Variants in B3GLCT observed in about 807,000 individuals in gnomAD.
B3GLCT encodes the protein beta-1,3-glucosyltransferase.
Under a neutral mutation model 63.4 loss-of-function variants are expected in B3GLCT, and 65 were observed. That is an observed-to-expected ratio of 1.03 (90% CI 0.84 to 1.26). B3GLCT has a LOEUF of 1.26. Ranked by LOEUF, B3GLCT falls within the 50% of genes most tolerant of loss-of-function variation. The pLI, the probability that B3GLCT is intolerant of heterozygous loss-of-function variation, is 0.00. For synonymous variants in B3GLCT, 233 were observed against 219.2 expected (o/e 1.06, Z -0.55); for missense variants, 577 against 604.8 (o/e 0.95, Z 0.48).
intron 7 of B3GLCT, among the ~76,000 whole-genome samples, chr13:31,268,009 AT>A (rs1195466539): frequency 1.3e-5 from 2 of 151,348 alleles, no homozygotes; most frequent in Non-Finnish European, 2.9e-5. Context: ...TAACTTAAAA[AT>A]TTTTTTTTAA....
chr13:31,313,024 T>G (rs1874802745), intron 12 of B3GLCT: 1 of 152,194 alleles, frequency 6.6e-6, no homozygotes, highest in African/African-American at 2.4e-5. Context: ...ATAAACCTGA[T>G]TGGAAGTCTT....
intron 4 of B3GLCT, among the ~76,000 whole-genome samples, chr13:31,237,202 C>A (rs1042823623): frequency 6.6e-6 from 1 of 151,432 alleles, no homozygotes; most frequent in Non-Finnish European, 1.5e-5. Context: ...ACTTAGGGGG[C>A]AATGATGAGA....
intron 4 of B3GLCT, among the ~76,000 whole-genome samples, chr13:31,240,749 G>C (rs943511359): frequency 1.3e-5 from 2 of 152,022 alleles, no homozygotes; most frequent in Admixed American, 6.5e-5. Context: ...ATGCTTAATA[G>C]TTTACTAAAA....
chr13:31,265,190 A>T lies in B3GLCT; in HGVS notation c.597-4024A>T, dbSNP rs528854235. 2.1e-4 allele frequency among the ~76,000 whole-genome samples: 32 copies of T among 152,292 alleles called. 1 individual carries two copies. Among genetic ancestry groups the T allele is most frequent in the African/African-American group, 7.7e-4 (32 of 41,552 alleles). ...CGCAGGAATTTCATTGATTATTAGA[A>T]TTATTAGAATTTTCAGTTCTAATCC... is the stretch of plus-strand genomic sequence containing the variant. On this transcript the variant is annotated intron_variant, in intron 7 of 14. Coordinates refer to ENST00000343307, the MANE Select transcript of B3GLCT (RefSeq NM_194318.4).
At chr13:31,236,876 C>A (rs1257840953) in intron 4 of B3GLCT, among the ~76,000 whole-genome samples, 1 of 152,164 alleles carries the variant, frequency 6.6e-6, no homozygotes, top group African/African-American at 2.4e-5. Flanking sequence ...CCTGTAATCC[C>A]AGCACCTTGG....
intron 13 of B3GLCT, 123 bp from the exon 14 acceptor site, chr13:31,323,628 T>G: frequency 9.0e-7 from 1 of 1,116,844 alleles, no homozygotes; most frequent in Non-Finnish European, 1.4e-6. Context: ...GCTCAGTAAC[T>G]AGAGAAAGCT....
At chr13:31,250,043 A>T (rs1264329674) in intron 6 of B3GLCT, among the ~76,000 whole-genome samples, 1 of 152,212 alleles carries the variant, frequency 6.6e-6, no homozygotes, top group South Asian at 2.1e-4. Flanking sequence ...ACTTTTATTA[A>T]TCTTTATTAA....
At chr13:31,324,834 A>G (rs1004063403) in intron 14 of B3GLCT, among the ~76,000 whole-genome samples, 1 of 152,090 alleles carries the variant, frequency 6.6e-6, no homozygotes, top group Admixed American at 6.5e-5. Context: ...TCTCCCAAGT[A>G]TCTGGGACTA....
At position 31,329,590 on chromosome 13, in the gene B3GLCT, G is replaced by A. The variant is rs757632080; in HGVS notation, c.1419G>A (p.Val473=). Residue 473 remains valine, a synonymous_variant, in exon 15 of 15, where the codon GTG becomes GTA. Transcript: ENST00000343307. ...ACTGGAACATCGATCCAGTGAAGGT[G>A]TATTTCACATGGTTGGCACCCAGTG... is the stretch of plus-strand genomic sequence containing the variant. ...HKHWNIDPVK[V]YFTWLAPSDE... is the part of the protein sequence containing the mutation. 11 of 1,614,098 alleles carry A rather than the reference G, an allele frequency of 6.8e-6. No homozygotes were observed. In the South Asian group the frequency reaches 1.1e-4, roughly 16 times the overall value.
At chr13:31,292,153 A>C (rs1267238621) in intron 12 of B3GLCT, among the ~76,000 whole-genome samples, 1 of 152,230 alleles carries the variant, frequency 6.6e-6, no homozygotes, top group African/African-American at 2.4e-5. Flanking sequence ...CCTGCATCCC[A>C]GGTATGAAGC....
chr13:31,260,067 G>T (rs1871950648), intron 6 of B3GLCT, among the ~76,000 whole-genome samples: 1 of 152,074 alleles, frequency 6.6e-6, no homozygotes, highest in African/African-American at 2.4e-5. Flanking sequence ...AACTCACCCT[G>T]GTCAGCCTTT....
chr13:31,202,138 T>A (rs1346001812), intron 1 of B3GLCT, among the ~76,000 whole-genome samples: 2 of 152,238 alleles, frequency 1.3e-5, no homozygotes, highest in Non-Finnish European at 2.9e-5. Flanking sequence ...TCTTGATAGT[T>A]TATAAATACC....
chr13:31,320,760 T>C (rs1448935334), intron 13 of B3GLCT, among the ~76,000 whole-genome samples: 1 of 152,218 alleles, frequency 6.6e-6, no homozygotes, highest in African/African-American at 2.4e-5. Flanking sequence ...GAACTCTTGC[T>C]GAACTTGTTT....
chr13:31,235,996 C>T (rs1870628847), intron 4 of B3GLCT, among the ~76,000 whole-genome samples: 1 of 152,196 alleles, frequency 6.6e-6, no homozygotes, highest in African/African-American at 2.4e-5. Flanking sequence ...TGCAGGTAAC[C>T]TCAGTCCACT....
intron 4 of B3GLCT, among the ~76,000 whole-genome samples, chr13:31,230,852 A>G (rs2137774593): frequency 6.6e-6 from 1 of 152,166 alleles, no homozygotes; most frequent in East Asian, 1.9e-4. Flanking sequence ...TACTAAAAAT[A>G]TAAAAATTAG....
intron 12 of B3GLCT, among the ~76,000 whole-genome samples, chr13:31,290,038 C>T (rs200289504): frequency 6.6e-5 from 10 of 152,146 alleles, no homozygotes; most frequent in Admixed American, 6.5e-4. Flanking sequence ...TTCCAACAGG[C>T]CCTGGTGTGT....
chr13:31,261,382 G>A (rs1872026221), intron 7 of B3GLCT, among the ~76,000 whole-genome samples: 1 of 152,220 alleles, frequency 6.6e-6, no homozygotes, highest in Admixed American at 6.5e-5. Context: ...GCACATGGGA[G>A]CATCATTACT....
At chr13:31,262,372 T>C (rs1291950853) in intron 7 of B3GLCT, among the ~76,000 whole-genome samples, 2 of 152,238 alleles carry the variant, frequency 1.3e-5, no homozygotes, top group Non-Finnish European at 2.9e-5. Flanking sequence ...CGGGCAAGAA[T>C]GCCCATCTCC....
intron 12 of B3GLCT, among the ~76,000 whole-genome samples, chr13:31,300,086 C>G (rs9544036): frequency 0.22 from 32,899 of 151,980 alleles, 3,567 homozygotes; most frequent in Non-Finnish European, 0.22. Flanking sequence ...ATTCATTTAC[C>G]CTGGTATTGA....
Sources: allele counts gnomAD v4.1 joint callset (sites outside exome capture counted in the v4.1 genomes callset), GRCh38; gene constraint gnomAD v4.1.1; transcripts MANE v1.5; gene names NCBI Gene and HGNC (gene_info 2026-07-23, HGNC 2026-07-21).